MTUS1: variants seen among roughly 807,000 people sequenced by gnomAD.
MTUS1 encodes the protein microtubule-associated tumor suppressor 1.
MTUS1 carries 109 observed loss-of-function variants against 120.8 expected under a neutral mutation model. The ratio of observed to expected loss-of-function variants is 0.90; its 90% CI spans 0.77 to 1.06. MTUS1 has a LOEUF of 1.06. MTUS1 is among the 50% of genes least tolerant of loss of function. The pLI is 0.00. For missense variants in MTUS1, 2,210 were observed against 1,486.3 expected (o/e 1.49, Z -8.01); for synonymous variants, 737 against 550.5 (o/e 1.34, Z -4.74).
chr8:17,742,279 T>G (rs866313395), intron 3 of MTUS1, among the ~76,000 whole-genome samples: 3,599 of 120,078 alleles, frequency 0.03, 96 homozygotes, highest in African/African-American at 0.053. Flanking sequence ...GTTTTTTTTT[T>G]TTGTTGTTGT....
chr8:17,679,281 A>ATC (rs1813775549), intron 7 of MTUS1, among the ~76,000 whole-genome samples: 2 of 152,048 alleles, frequency 1.3e-5, no homozygotes, highest in Non-Finnish European at 2.9e-5. Context: ...TCATGTATAT[A>ATC]AAAAACATAC....
intron 1 of MTUS1, among the ~76,000 whole-genome samples, chr8:17,786,898 T>C (rs997877290): frequency 5.3e-5 from 8 of 152,198 alleles, no homozygotes; most frequent in African/African-American, 1.9e-4. Context: ...TTATGAACTC[T>C]TCCACCTCAA....
intron 7 of MTUS1, among the ~76,000 whole-genome samples, chr8:17,681,196 A>G (rs896685945): frequency 6.6e-6 from 1 of 152,138 alleles, no homozygotes; most frequent in South Asian, 2.1e-4. Flanking sequence ...GGCCTCCCCA[A>G]GTGCTGGGAT....
chr8:17,754,778 A>C lies in MTUS1; in HGVS notation c.1030T>G (p.Cys344Gly). 1 of 1,614,260 alleles carries C rather than the reference A, an allele frequency of 6.2e-7. No individual in the cohort carries two copies. Among genetic ancestry groups the C allele is most frequent in the East Asian group, 2.2e-5 (1 of 44,886 alleles). Residue 344 changes from cysteine (C) to glycine (G), a missense_variant, in exon 2 of 15, where the codon TGT becomes GGT. By Grantham distance (159) the Cys-to-Gly change is radical (BLOSUM62 -3). Transcript: ENST00000693296. Reference protein sequence around the residue: ...GQNLRETVSYCLIDDECPLMV... With the variant: ...GQNLRETVSYGLIDDECPLMV... ...AAAGGGCATTCATCATCAATAAGAC[A>C]ATAGGACACTGTCTCTCTCAGATTT... is the stretch of plus-strand genomic sequence containing the variant.
intron 7 of MTUS1, 74 bp from the exon 8 acceptor site, chr8:17,675,326 C>T (rs1026773071): frequency 8.8e-6 from 12 of 1,357,382 alleles, no homozygotes; most frequent in African/African-American, 1.4e-5. Flanking sequence ...TTTGTTATCA[C>T]TAGGAAAATG....
intron 8 of MTUS1, among the ~76,000 whole-genome samples, chr8:17,661,804 C>T (rs1018311705): frequency 2.6e-5 from 4 of 152,192 alleles, no homozygotes; most frequent in African/African-American, 9.7e-5. Context: ...CAGCCCCAGA[C>T]AGTGACATCA....
At chr8:17,697,487 A>C in intron 6 of MTUS1, 1 of 1,472,376 alleles carries the variant, frequency 6.8e-7, no homozygotes, top group Non-Finnish European at 9.1e-7. Flanking sequence ...CAGTCAGAGG[A>C]AAGATGCCTA....
rs1382498819 is a variant in MTUS1 at position 17,754,442 on chromosome 8, T to A, written c.1366A>T (p.Lys456Ter). ...EATEKCKKVE[K>*]GNRGLKNIPD... ...ATGTTTTTAAGCCCTCGATTACCCT[T>A]CTCCACTTTCTTACATTTCTCCGTC... Residue 456 changes from lysine to a stop codon, truncating the protein, a stop_gained, in exon 2 of 15, where the codon AAG (lysine) becomes TAG (stop). Transcript: ENST00000693296. LOFTEE classifies it high-confidence loss of function. 3.7e-6 allele frequency: 6 copies of A among 1,614,196 alleles called. No homozygotes were observed. Among genetic ancestry groups the A allele is most frequent in the Non-Finnish European group, 5.1e-6 (6 of 1,180,028 alleles).
At chr8:17,736,298 C>T (rs370291573) in intron 3 of MTUS1, among the ~76,000 whole-genome samples, 1 of 152,198 alleles carries the variant, frequency 6.6e-6, no homozygotes, top group East Asian at 1.9e-4. Flanking sequence ...ACCTGCATGG[C>T]CCTGCTTGGT....
intron 6 of MTUS1, among the ~76,000 whole-genome samples, chr8:17,688,258 G>T (rs534656143): frequency 4.6e-5 from 7 of 152,312 alleles, no homozygotes; most frequent in African/African-American, 1.4e-4. Flanking sequence ...GCACTGCTGT[G>T]GTGGGTGTGC....
chr8:17,654,390 G>T (rs1427283889), intron 10 of MTUS1, 171 bp downstream of exon 10: 1 of 596,268 alleles, frequency 1.7e-6, no homozygotes. Context: ...ATCCTTAGTG[G>T]GAAAAGGCAT....
chr8:17,709,969 T>G (rs547492906), intron 6 of MTUS1, among the ~76,000 whole-genome samples: 1 of 151,596 alleles, frequency 6.6e-6, no homozygotes, highest in South Asian at 2.1e-4. Context: ...ATCATGCCAC[T>G]GCACTCCAGC....
At position 17,722,515 on chromosome 8, in the gene MTUS1, T is replaced by C. The variant is rs370779283; in HGVS notation, c.2449+1157A>G. ...TAAAGCTGGTAACAATCCTGTTTAA[T>C]TGCAAGTCACATATCCCAGTATTCC... On this transcript the variant is annotated intron_variant, in intron 4 of 14. Coordinates refer to ENST00000693296, the MANE Select transcript of MTUS1 (RefSeq NM_001363059.2). The C allele has an allele frequency of 4.0e-5, 39 of 985,254 alleles. No individual in the cohort carries two copies. In the African/African-American group the frequency reaches 5.1e-4, roughly 13 times the overall value. 61.0% of individuals were successfully genotyped at this position (985,254 alleles called of 1,614,324 possible). A position where few individuals can be genotyped will look rare whatever the true frequency, so the allele number is the denominator to read the frequency against.
chr8:17,674,472 G>C lies in MTUS1; in HGVS notation c.2905+714C>G, dbSNP rs946064613. The C allele has an allele frequency of 9.1e-6, 9 of 984,980 alleles. No individual in the cohort carries two copies. The African/African-American group carries it at 1.4e-4, about 15-fold the overall frequency. The allele number at this position is 984,980 out of a possible 1,614,324, so 61.0% of individuals were successfully genotyped here. On this transcript the variant is annotated intron_variant, in intron 8 of 14. Transcript: ENST00000693296. The stretch of plus-strand genomic sequence containing the variant: ...AGAAAAGCAAAACAAAGCAAAGGCA[G>C]TGTCGTGTCTGTTCCATGAACCCTA...
intron 8 of MTUS1, among the ~76,000 whole-genome samples, chr8:17,667,209 G>C (rs191819398): frequency 2.1e-4 from 32 of 152,312 alleles, no homozygotes; most frequent in Non-Finnish European, 2.4e-4. Context: ...TGGATAGGAA[G>C]AGAATGAGCT....
chr8:17,797,097 C>G (rs1017372121), intron 1 of MTUS1, among the ~76,000 whole-genome samples: 2 of 152,056 alleles, frequency 1.3e-5, no homozygotes, highest in Non-Finnish European at 2.9e-5. Context: ...ACCTGGGCCA[C>G]AGAGTGAGAC....
At chr8:17,692,992 G>A (rs867288716) in intron 6 of MTUS1, among the ~76,000 whole-genome samples, 21 of 152,176 alleles carry the variant, frequency 1.4e-4, no homozygotes, top group African/African-American at 4.3e-4. Flanking sequence ...TCAGCAGAAA[G>A]AATTCTGTCT....
chr8:17,725,396 C>T (rs1323847902), intron 3 of MTUS1, among the ~76,000 whole-genome samples: 1 of 152,180 alleles, frequency 6.6e-6, no homozygotes, highest in South Asian at 2.1e-4. Flanking sequence ...CGGCTCCAGC[C>T]TCACTCTTGT....
chr8:17,695,291 G>T (rs543141360), intron 6 of MTUS1, among the ~76,000 whole-genome samples: 2 of 152,238 alleles, frequency 1.3e-5, no homozygotes, highest in South Asian at 4.1e-4. Flanking sequence ...CAAAATTACA[G>T]CAAAATTTGC....
Sources: gnomAD v4.1 joint callset for allele counts (sites outside exome capture counted in the v4.1 genomes callset) on GRCh38, gnomAD v4.1.1 for gene constraint, MANE v1.5 for transcripts, NCBI Gene and HGNC (gene_info 2026-07-23, HGNC 2026-07-21) for gene names.